LRRC8C: variants seen among roughly 807,000 people sequenced by gnomAD.
The protein encoded by LRRC8C is leucine rich repeat containing 8 VRAC subunit C.
Under a neutral mutation model 55.3 loss-of-function variants are expected in LRRC8C, and 20 were observed. That is an observed-to-expected ratio of 0.36 (90% CI 0.25 to 0.53). The LOEUF (loss-of-function observed/expected upper bound fraction) is 0.53. Ranked by LOEUF, LRRC8C falls within the 20% of genes least tolerant of loss-of-function variation. The pLI is 0.92. For missense variants in LRRC8C, 659 were observed against 951.4 expected, an observed-to-expected ratio of 0.69 and a Z score of 4.04; for synonymous variants, 376 against 360.7, an observed-to-expected ratio of 1.04 and a Z score of -0.48.
At chr1:89,684,462 G>C (rs902338140) in intron 1 of LRRC8C, among the ~76,000 whole-genome samples, 1 of 152,196 alleles carries the variant, frequency 6.6e-6, no homozygotes, top group African/African-American at 2.4e-5. Flanking sequence ...TCAACAGACA[G>C]TTGTTACGAG....
chr1:89,701,884 T>C (rs72712580), intron 2 of LRRC8C, among the ~76,000 whole-genome samples: 113 of 152,196 alleles, frequency 7.4e-4, no homozygotes, highest in South Asian at 2.1e-3. Flanking sequence ...TGGGCTCTTA[T>C]CCAAAACTAA....
chr1:89,691,885 A>G (rs1658036356), intron 2 of LRRC8C, among the ~76,000 whole-genome samples: 2 of 152,246 alleles, frequency 1.3e-5, no homozygotes, highest in African/African-American at 4.8e-5. Context: ...AAAAGTATCA[A>G]TTTTATGAAT....
chr1:89,698,968 G>A lies in LRRC8C; in HGVS notation c.138+12357G>A, dbSNP rs538780152. Among the ~76,000 whole-genome samples, 3 of 151,400 alleles carry A rather than the reference G, an allele frequency of 2.0e-5. No homozygotes were observed. The East Asian group carries it at 5.8e-4, about 29-fold the overall frequency. The stretch of plus-strand genomic sequence containing the variant: ...AATAAGGGAGATTCAGACAAGTCCC[G>A]AAGGTGGAAAAAAAAAGAAATTAAA... On this transcript the variant is annotated intron_variant, in intron 2 of 2. Coordinates refer to ENST00000370454, the MANE Select transcript of LRRC8C (RefSeq NM_032270.5).
chr1:89,658,175 T>A (rs1372700380), intron 1 of LRRC8C, among the ~76,000 whole-genome samples: 1 of 152,120 alleles, frequency 6.6e-6, no homozygotes, highest in Non-Finnish European at 1.5e-5. Context: ...GGTATTGGAG[T>A]TGTTTGAGTC....
chr1:89,644,633 A>G (rs1194142742), intron 1 of LRRC8C, among the ~76,000 whole-genome samples: 1 of 152,252 alleles, frequency 6.6e-6, no homozygotes, highest in Non-Finnish European at 1.5e-5. Flanking sequence ...GCAGTTATAC[A>G]TAGTCCAAAG....
chr1:89,707,473 C>G (rs905038376), intron 2 of LRRC8C, among the ~76,000 whole-genome samples: 19 of 152,072 alleles, frequency 1.2e-4, no homozygotes, highest in African/African-American at 2.7e-4. Context: ...ATGCCCCCAG[C>G]AGGTTCCTGG....
the LRRC8C span, among the ~76,000 whole-genome samples, chr1:89,625,469 C>G: frequency 6.6e-6 from 1 of 152,152 alleles, no homozygotes; most frequent in Non-Finnish European, 1.5e-5. Flanking sequence ...GAAGGGAAAT[C>G]AGGCTTTGTT....
At chr1:89,698,808 G>T (rs1658239745) in intron 2 of LRRC8C, among the ~76,000 whole-genome samples, 1 of 151,898 alleles carries the variant, frequency 6.6e-6, no homozygotes, top group African/African-American at 2.4e-5. Context: ...CTCTGCTCTT[G>T]TAAATACCTT....
chr1:89,680,913 C>T (rs769644637), intron 1 of LRRC8C, among the ~76,000 whole-genome samples: 1 of 152,016 alleles, frequency 6.6e-6, no homozygotes, highest in Non-Finnish European at 1.5e-5. Context: ...CAAAAGGTTA[C>T]CGAAGCAGAG....
chr1:89,676,787 G>A (rs1054918182), intron 1 of LRRC8C, among the ~76,000 whole-genome samples: 1 of 152,186 alleles, frequency 6.6e-6, no homozygotes, highest in Non-Finnish European at 1.5e-5. Flanking sequence ...TTACAAAGGA[G>A]TTTCAATTCA....
chr1:89,644,368 G>A (rs1385577911), intron 1 of LRRC8C, among the ~76,000 whole-genome samples: 1 of 152,086 alleles, frequency 6.6e-6, no homozygotes. Flanking sequence ...TAGAGACAGG[G>A]TTTTACCATG....
At chr1:89,630,102 C>T (rs72959868), upstream of LRRC8C, among the ~76,000 whole-genome samples, 5,792 of 151,940 alleles carry the variant, frequency 0.038, 387 homozygotes, top group African/African-American at 0.13. Flanking sequence ...ACCTGGAAGG[C>T]GGAAGTTGCA....
At chr1:89,653,851 G>C (rs544363799) in intron 1 of LRRC8C, among the ~76,000 whole-genome samples, 1 of 152,156 alleles carries the variant, frequency 6.6e-6, no homozygotes, top group African/African-American at 2.4e-5. Flanking sequence ...TTTTGGACTC[G>C]TTAATTTCAA....
the LRRC8C span, among the ~76,000 whole-genome samples, chr1:89,625,551 T>TA: frequency 8.6e-5 from 13 of 151,060 alleles, no homozygotes; most frequent in Admixed American, 2.6e-4. Context: ...CCAAAAATGC[T>TA]AAAAAAAAAT....
chr1:89,638,935 T>C (rs913987791), intron 1 of LRRC8C, among the ~76,000 whole-genome samples: 1 of 144,750 alleles, frequency 6.9e-6, no homozygotes, highest in Non-Finnish European at 1.5e-5. Context: ...TTAGAGAATT[T>C]ATGTTTTAAA....
intron 1 of LRRC8C, among the ~76,000 whole-genome samples, chr1:89,662,326 T>A (rs1657143353): frequency 6.6e-6 from 1 of 152,176 alleles, no homozygotes; most frequent in African/African-American, 2.4e-5. Flanking sequence ...AGGAGAGGGC[T>A]ATGAGACTGG....
At position 89,660,952 on chromosome 1, in the gene LRRC8C, C is replaced by T. The variant is rs1657102225; in HGVS notation, c.-4-25518C>T. Reference sequence around the variant, plus strand: ...AACATTTTGTATTTGGCACTGAAGTCTATCCATGGACATCCAGGCTCTGGA... The same window carrying T: ...AACATTTTGTATTTGGCACTGAAGTTTATCCATGGACATCCAGGCTCTGGA... On this transcript the variant is annotated intron_variant, in intron 1 of 2. Transcript: ENST00000370454. Among the ~76,000 whole-genome samples the T allele has an allele frequency of 2.0e-5, 3 of 152,356 alleles. No individual in the cohort carries two copies. In the South Asian group the frequency reaches 6.2e-4, roughly 32 times the overall value.
At chr1:89,645,494 A>G (rs1656585499) in intron 1 of LRRC8C, among the ~76,000 whole-genome samples, 1 of 152,196 alleles carries the variant, frequency 6.6e-6, no homozygotes, top group South Asian at 2.1e-4. Flanking sequence ...TGGTGAAAAC[A>G]CATCAACTTA....
At chr1:89,661,872 T>C (rs1004843529) in intron 1 of LRRC8C, among the ~76,000 whole-genome samples, 2 of 134,678 alleles carry the variant, frequency 1.5e-5, no homozygotes, top group African/African-American at 5.4e-5. Context: ...GGGTGAAGGC[T>C]TGGACCAGAG....
Sources: allele counts gnomAD v4.1 joint callset (sites outside exome capture counted in the v4.1 genomes callset), GRCh38; gene constraint gnomAD v4.1.1; transcripts MANE v1.5; gene names NCBI Gene and HGNC (gene_info 2026-07-23, HGNC 2026-07-21).